The following ABHD3 variants were observed in gnomAD, a reference collection of about 807,000 sequenced individuals.
The protein encoded by ABHD3 is phospholipase ABHD3.
A neutral mutation model predicts 48.8 loss-of-function variants in ABHD3; 46 were observed. The ratio of observed to expected loss-of-function variants is 0.94; its 90% CI spans 0.74 to 1.20. The LOEUF is 1.20. ABHD3 is among the 50% of genes most tolerant of loss of function. ABHD3 has a pLI of 0.00. For missense variants in ABHD3, 490 were observed against 497.8 expected (o/e 0.98, Z 0.15); for synonymous variants, 192 against 183.7 (o/e 1.04, Z -0.36).
chr18:21,672,283 T>C (rs1410042808), intron 4 of ABHD3, among the ~76,000 whole-genome samples: 1 of 152,198 alleles, frequency 6.6e-6, no homozygotes, highest in East Asian at 1.9e-4. Context: ...TTGGAGGAGA[T>C]TAATTTGCTA....
At chr18:21,692,081 C>G (rs531461641) in intron 3 of ABHD3, among the ~76,000 whole-genome samples, 1 of 152,284 alleles carries the variant, frequency 6.6e-6, no homozygotes, top group East Asian at 1.9e-4. Flanking sequence ...TCCCAACTAG[C>G]TGGGATTACA....
chr18:21,704,642 C>A lies in ABHD3; in HGVS notation c.24G>T (p.Leu8=). The part of the protein sequence containing the change: MQRLAMD[L]RMLSRELSLY... Reference sequence around the variant, plus strand: ...GGGAGAGCTCCCGGGACAACATCCGCAGGTCCATGGCCAGGCGCTGCATGG... The same window carrying A: ...GGGAGAGCTCCCGGGACAACATCCGAAGGTCCATGGCCAGGCGCTGCATGG... The change falls in exon 1 of 9, where the codon CTG becomes CTT. Residue 8 remains leucine, a synonymous_variant. Transcript: ENST00000289119. 1 of 1,543,496 alleles carries A rather than the reference C, an allele frequency of 6.5e-7. No homozygotes were observed. The highest frequency in any genetic ancestry group is 8.7e-7 in the Non-Finnish European group (1 of 1,148,000).
intron 4 of ABHD3, among the ~76,000 whole-genome samples, chr18:21,676,340 T>C (rs2039881470): frequency 6.6e-6 from 1 of 152,254 alleles, no homozygotes; most frequent in Admixed American, 6.5e-5. Flanking sequence ...TGTATACATA[T>C]TTCAAAACAT....
At chr18:21,692,746 C>T (rs1238215526) in intron 3 of ABHD3, among the ~76,000 whole-genome samples, 3 of 152,068 alleles carry the variant, frequency 2.0e-5, no homozygotes, top group Non-Finnish European at 2.9e-5. Flanking sequence ...AAAATTTACT[C>T]AGCTGCTTTC....
chr18:21,664,235 AAGTAGTGAC>A lies in ABHD3; in HGVS notation c.556-14_556-6del. 1.9e-6 allele frequency: 3 copies of A among 1,601,044 alleles called. No homozygotes were observed. In the South Asian group the frequency reaches 3.4e-5, roughly 18 times the overall value. On this transcript the variant is annotated splice_region_variant and splice_polypyrimidine_tract_variant and intron_variant, in intron 4 of 8. Coordinates refer to ENST00000289119, the MANE Select transcript of ABHD3 (RefSeq NM_138340.5). ...ACAACAATAAGTCCTTGGCGTCTGG[AAGTAGTGAC>A]AAGTAAAGCACAAAAATTACAATGT...
rs767732209 is a variant in ABHD3 at position 21,702,495 on chromosome 18, T to C, written c.330A>G (p.Glu110=). Reference sequence around the variant, plus strand: ...GTCCTCCATCTGCAGTTTTAATAAGTTCACTGAAAGGAATAATTCAGAAGA... The same window carrying C: ...GTCCTCCATCTGCAGTTTTAATAAGCTCACTGAAAGGAATAATTCAGAAGA... ...TSKPPVQYRN[E]LIKTADGGQI... Residue 110 remains glutamate (E), a synonymous_variant, in exon 3 of 9, where the codon GAA becomes GAG. Transcript: ENST00000289119. 2.5e-6 allele frequency: 4 copies of C among 1,591,228 alleles called. No homozygotes were observed. Among genetic ancestry groups the C allele is most frequent in the South Asian group, 1.1e-5 (1 of 88,196 alleles).
intron 3 of ABHD3, among the ~76,000 whole-genome samples, chr18:21,690,524 C>T (rs1034060352): frequency 2.0e-4 from 30 of 152,128 alleles, no homozygotes; most frequent in Admixed American, 3.9e-4. Flanking sequence ...ATCGCTTGAA[C>T]CCAGGAGGCG....
Position 21,704,649 on chromosome 18 carries a change from A to G in ABHD3, c.17T>C (p.Met6Thr). The change falls in exon 1 of 9, where the codon ATG becomes ACG. Residue 6 changes from methionine (M) to threonine (T), a missense_variant. Physicochemically the swap from Met to Thr is moderately conservative, Grantham distance 81. Transcript: ENST00000289119. ...CTCCCGGGACAACATCCGCAGGTCCATGGCCAGGCGCTGCATGGCCCCCGA... is the reference window on the plus strand; with the variant it reads ...CTCCCGGGACAACATCCGCAGGTCCGTGGCCAGGCGCTGCATGGCCCCCGA... MQRLAMDLRMLSRELS... is the reference protein window; with the variant it reads MQRLATDLRMLSRELS... The G allele has an allele frequency of 6.5e-7, 1 of 1,530,696 alleles. No individual in the cohort carries two copies. The highest frequency in any genetic ancestry group is 8.8e-7 in the Non-Finnish European group (1 of 1,142,208). The allele number at this position is 1,530,696 out of a possible 1,614,324, so 94.8% of individuals were successfully genotyped here. A position where few individuals can be genotyped will look rare whatever the true frequency, so the allele number is the denominator to read the frequency against.
chr18:21,659,759 C>G (rs576616808), intron 5 of ABHD3, among the ~76,000 whole-genome samples: 315 of 152,096 alleles, frequency 2.1e-3, no homozygotes, highest in Non-Finnish European at 3.2e-3. Context: ...ACCTCCACCC[C>G]CCTGGTTCAA....
intron 4 of ABHD3, among the ~76,000 whole-genome samples, chr18:21,668,217 AAAAG>A (rs1555679498): frequency 8.0e-5 from 11 of 137,568 alleles, no homozygotes; most frequent in Non-Finnish European, 1.7e-4. Flanking sequence ...AAAAAAAAAA[AAAAG>A]AAAGAAAAAG....
chr18:21,657,149 G>A lies in ABHD3; in HGVS notation c.846C>T (p.His282=). 1.9e-6 allele frequency: 3 copies of A among 1,604,636 alleles called. No individual in the cohort carries two copies. Among genetic ancestry groups the A allele is most frequent in the Non-Finnish European group, 2.6e-6 (3 of 1,175,598 alleles). Residue 282 remains histidine (H), a synonymous_variant, in exon 7 of 9, where the codon CAC becomes CAT. Coordinates refer to ENST00000289119, the MANE Select transcript of ABHD3 (RefSeq NM_138340.5). ...TTCLQSSVNK[H]RHMFVKQVDM... ...CAACTTGTTTTACAAACATATGTCG[G>A]TGCCTGGAACAAAAGAATTTCGGAA...
Position 21,702,396 on chromosome 18 carries a change from T to C in ABHD3, c.429A>G (p.Leu143=). ...TTGTTCCCGTGAGGCCAGGCAACAA[T>C]AAGATAGTAGGTCTGGTGCTGGCAT... ...YMDASTRPTI[L]LLPGLTGTSK... The change falls in exon 3 of 9, where the codon TTA becomes TTG. Residue 143 remains leucine (L), a synonymous_variant. Transcript: ENST00000289119. 4 of 1,614,048 alleles carry C rather than the reference T, an allele frequency of 2.5e-6. No homozygotes were observed. Among genetic ancestry groups the C allele is most frequent in the Non-Finnish European group, 3.4e-6 (4 of 1,179,956 alleles).
chr18:21,682,936 A>T (rs978852469), intron 4 of ABHD3: 2 of 152,204 alleles, frequency 1.3e-5, no homozygotes, highest in African/African-American at 4.8e-5. Flanking sequence ...CACTTGAGTA[A>T]GACCATAACA....
intron 4 of ABHD3, among the ~76,000 whole-genome samples, chr18:21,681,733 T>C (rs1312567182): frequency 6.6e-6 from 1 of 152,186 alleles, no homozygotes; most frequent in African/African-American, 2.4e-5. Flanking sequence ...TAAAACATAA[T>C]GGTCAAAAAC....
At chr18:21,675,262 G>GTTTTTT (rs61119109) in intron 4 of ABHD3, among the ~76,000 whole-genome samples, 11 of 85,472 alleles carry the variant, frequency 1.3e-4, no homozygotes, top group Non-Finnish European at 1.7e-4. Flanking sequence ...AATGAGGTGG[G>GTTTTTT]TTTTTTTTTT....
At chr18:21,670,835 T>C (rs1357215234) in intron 4 of ABHD3, among the ~76,000 whole-genome samples, 1 of 152,116 alleles carries the variant, frequency 6.6e-6, no homozygotes, top group Admixed American at 6.6e-5. Flanking sequence ...AACAACATGG[T>C]GAAACCCCCT....
At chr18:21,658,018 C>T (rs1007864882) in intron 6 of ABHD3, among the ~76,000 whole-genome samples, 1 of 151,694 alleles carries the variant, frequency 6.6e-6, no homozygotes, top group Non-Finnish European at 1.5e-5. Flanking sequence ...GGCAACATGG[C>T]AAAACCTCAT....
intron 4 of ABHD3, chr18:21,682,307 A>C (rs1046984381): frequency 6.6e-6 from 1 of 152,212 alleles, no homozygotes; most frequent in African/African-American, 2.4e-5. Context: ...TACTGTACGC[A>C]CTTTATAATA....
chr18:21,696,442 C>T (rs2040372547), intron 3 of ABHD3, among the ~76,000 whole-genome samples: 1 of 152,064 alleles, frequency 6.6e-6, no homozygotes, highest in Non-Finnish European at 1.5e-5. Context: ...AGCCACCGTG[C>T]CTGGCCTTTC....
Sources: allele counts gnomAD v4.1 joint callset (sites outside exome capture counted in the v4.1 genomes callset), GRCh38; gene constraint gnomAD v4.1.1; transcripts MANE v1.5; gene names NCBI Gene and HGNC (gene_info 2026-07-23, HGNC 2026-07-21).